Variants in GAPDHS observed in about 807,000 individuals in gnomAD.
GAPDHS encodes glyceraldehyde-3-phosphate dehydrogenase, spermatogenic, also known as glyceraldehyde-3-phosphate dehydrogenase, testis-specific.
Under a neutral mutation model 48.7 loss-of-function variants are expected in GAPDHS, and 42 were observed. That is an observed-to-expected ratio of 0.86 (90% CI 0.67 to 1.12). The LOEUF (loss-of-function observed/expected upper bound fraction) is 1.12, where lower values mean the gene tolerates loss of function less well. Among genes scored for constraint, GAPDHS ranks in the 50% most tolerant of loss-of-function variants. The probability of loss-of-function intolerance (pLI) is 0.00; values close to 1 mark genes in which losing one functional copy is unlikely to be tolerated. For synonymous variants in GAPDHS, 166 were observed against 219.1 expected (o/e 0.76, Z 2.14); for missense variants, 512 against 557.7 (o/e 0.92, Z 0.82).
intron 6 of GAPDHS, 110 bp downstream of exon 6, chr19:35,542,718 G>T: frequency 1.2e-6 from 1 of 840,998 alleles, no homozygotes; most frequent in South Asian, 1.5e-5. Flanking sequence ...TCTCCTTCCC[G>T]AAACTATCTG....
chr19:35,536,516 C>T (rs908115494), intron 1 of GAPDHS, among the ~76,000 whole-genome samples: 3 of 151,686 alleles, frequency 2.0e-5, no homozygotes, highest in Non-Finnish European at 4.4e-5. Context: ...GCGGAGGTTG[C>T]AGTAAGCCAA....
chr19:35,539,194 G>T (rs1242898243), intron 4 of GAPDHS, among the ~76,000 whole-genome samples: 1 of 152,198 alleles, frequency 6.6e-6, no homozygotes, highest in African/African-American at 2.4e-5. Context: ...ACTGCATTTT[G>T]CTTTAACGCA....
rs750502242 is a variant in GAPDHS at position 35,543,412 on chromosome 19, C to A, written c.814C>A (p.Arg272=). The A allele has an allele frequency of 1.2e-6, 2 of 1,611,098 alleles. No homozygotes were observed. Among genetic ancestry groups the A allele is most frequent in the African/African-American group, 1.3e-5 (1 of 74,676 alleles). ...ATCAAGGAAGGCCTGGCGAGATGGG[C>A]GGGGTGCCCACCAGAACATCATCCC... The part of the protein sequence containing the change: ...GPSRKAWRDG[R]GAHQNIIPAS... The change falls in exon 8 of 11, where the codon CGG becomes AGG. Residue 272 remains arginine, a synonymous_variant. Coordinates refer to ENST00000222286, the MANE Select transcript of GAPDHS (RefSeq NM_014364.5).
rs1420868606 is a variant in GAPDHS at position 35,535,792 on chromosome 19, CAG to C, written c.68-1018_68-1017del. On this transcript the variant is annotated intron_variant, in intron 1 of 10. Transcript: ENST00000222286. ...AGGTGATTTTTTTTTTTTTTTGAGA[CAG>C]AGTCTCACTCTGTCGCCCAGGCTGG... Among the ~76,000 whole-genome samples, 15 of 139,180 alleles carry C rather than the reference CAG, an allele frequency of 1.1e-4. No homozygotes were observed. In the East Asian group the frequency reaches 3.4e-3, roughly 31 times the overall value. The allele number at this position is 139,180 out of a possible 152,430, so 91.3% of individuals were successfully genotyped here. A position where few individuals can be genotyped will look rare whatever the true frequency, so the allele number is the denominator to read the frequency against.
chr19:35,545,134 C>A lies in GAPDHS; in HGVS notation c.1191C>A (p.Val397=). The A allele has an allele frequency of 6.2e-7, 1 of 1,614,014 alleles. No individual in the cohort carries two copies. Among genetic ancestry groups the A allele is most frequent in the Non-Finnish European group, 8.5e-7 (1 of 1,179,888 alleles). The change falls in exon 11 of 11, where the codon GTC becomes GTA. Residue 397 remains valine (V), a synonymous_variant. Coordinates refer to ENST00000222286, the MANE Select transcript of GAPDHS (RefSeq NM_014364.5). ...AATATGGCTACAGTCACCGGGTGGT[C>A]GACCTCCTCCGCTACATGTTCAGCC... is the stretch of plus-strand genomic sequence containing the variant. ...DNEYGYSHRV[V]DLLRYMFSRD... is the part of the protein sequence containing the mutation.
At chr19:35,541,754 T>A (rs2071504434) in intron 4 of GAPDHS, 1 of 152,068 alleles carries the variant, frequency 6.6e-6, no homozygotes, top group Non-Finnish European at 1.5e-5. Context: ...CCCTTACCTT[T>A]CCAATGTAAA....
intron 2 of GAPDHS, 112 bp downstream of exon 2, chr19:35,537,102 G>T: frequency 1.1e-6 from 1 of 896,008 alleles, no homozygotes; most frequent in Non-Finnish European, 1.7e-6. Context: ...TCGTTCCGAC[G>T]ACCCTGGAGA....
At chr19:35,539,965 C>T (rs1219858742) in intron 4 of GAPDHS, among the ~76,000 whole-genome samples, 3 of 152,212 alleles carry the variant, frequency 2.0e-5, no homozygotes, top group Non-Finnish European at 1.5e-5. Flanking sequence ...ATGCAGTTCC[C>T]CGCCCCTCCA....
At position 35,538,595 on chromosome 19, in the gene GAPDHS, G is replaced by T; in HGVS notation, c.361G>T (p.Asp121Tyr). The T allele has an allele frequency of 6.2e-7, 1 of 1,608,778 alleles. No homozygotes were observed. Among genetic ancestry groups the T allele is most frequent in the South Asian group, 1.1e-5 (1 of 90,922 alleles). The change falls in exon 4 of 11, where the codon GAC becomes TAC. Residue 121 changes from aspartate to tyrosine, a missense_variant. By Grantham distance (160) the Asp-to-Tyr change is radical (BLOSUM62 -3). Transcript: ENST00000222286. ...PEYMVYMFKYDSTHGRYKGSV... is the reference protein window; with the variant it reads ...PEYMVYMFKYYSTHGRYKGSV... Reference sequence around the variant, plus strand: ...CCCACAGGTGTACATGTTTAAGTATGACTCCACCCACGGCCGATACAAGGG... The same window carrying T: ...CCCACAGGTGTACATGTTTAAGTATTACTCCACCCACGGCCGATACAAGGG...
rs2071508294 is a variant in GAPDHS, at chr19:35,542,213, G to A, written c.450-106G>A. The A allele has an allele frequency of 9.4e-6, 7 of 743,512 alleles. No individual in the cohort carries two copies. In the South Asian group the frequency reaches 1.1e-4, roughly 11 times the overall value. The allele number at this position is 743,512 out of a possible 1,614,324, so 46.1% of individuals were successfully genotyped here. A position where few individuals can be genotyped will look rare whatever the true frequency, so the allele number is the denominator to read the frequency against. Reference sequence around the variant, plus strand: ...TGTGGGGTAGGGGACGCAGGTGGTTGCAGGTGGGCCGGTACCTGCTCAGCC... The same window carrying A: ...TGTGGGGTAGGGGACGCAGGTGGTTACAGGTGGGCCGGTACCTGCTCAGCC... On this transcript the variant is annotated intron_variant, in intron 4 of 10. Transcript: ENST00000222286.
At chr19:35,543,076 A>C (rs775819839) in intron 7 of GAPDHS, 50 bp downstream of exon 7, 8 of 1,399,216 alleles carry the variant, frequency 5.7e-6, no homozygotes, top group Non-Finnish European at 8.1e-6. Context: ...GGGAAACCCA[A>C]CTTCTTCCCG....
chr19:35,538,410 A>C lies in GAPDHS; in HGVS notation c.342+7A>C. The stretch of plus-strand genomic sequence containing the variant: ...CATTGACCCGGAATACATGGTCAGT[A>C]GCTGGCAGAGGGCAGGAACAGCAGG... On this transcript the variant is annotated splice_region_variant and intron_variant, in intron 3 of 10. Transcript: ENST00000222286. 1 of 1,412,060 alleles carries C rather than the reference A, an allele frequency of 7.1e-7. No individual in the cohort carries two copies. Among genetic ancestry groups the C allele is most frequent in the Non-Finnish European group, 1.0e-6 (1 of 999,740 alleles). 87.5% of individuals were successfully genotyped at this position (1,412,060 alleles called of 1,614,324 possible).
chr19:35,536,975 CTG>C lies in GAPDHS; in HGVS notation c.233_234del (p.Val78GlyfsTer22). ...ATGGTGTCTGTGGCCCGGGAGCTGA[CTG>C]TGGGCATCAATGGGTGAGTCTACTC... On this transcript the variant is annotated frameshift_variant, in exon 2 of 11. Transcript: ENST00000222286. LOFTEE classifies it high-confidence loss of function. 1 of 1,613,638 alleles carries C rather than the reference CTG, an allele frequency of 6.2e-7. No individual in the cohort carries two copies. Among genetic ancestry groups the C allele is most frequent in the Non-Finnish European group, 8.5e-7 (1 of 1,179,730 alleles).
chr19:35,539,598 C>T (rs978670038), intron 4 of GAPDHS, among the ~76,000 whole-genome samples: 1 of 151,992 alleles, frequency 6.6e-6, no homozygotes, highest in Non-Finnish European at 1.5e-5. Context: ...CACTAGTGAA[C>T]CCTGTCTGGG....
chr19:35,543,741 C>G lies in GAPDHS; in HGVS notation c.970C>G (p.Pro324Ala), dbSNP rs745411918. Residue 324 changes from proline (P) to alanine (A), a missense_variant, in exon 9 of 11, where the codon CCT (proline) becomes GCT (alanine). By Grantham distance (27) the Pro-to-Ala change is conservative. Coordinates refer to ENST00000222286, the MANE Select transcript of GAPDHS (RefSeq NM_014364.5). ...GGACCTGACCTGCCGCCTCGCCCAGCCTGCCCCCTACTCAGCCATCAAGGA... is the reference window on the plus strand; with the variant it reads ...GGACCTGACCTGCCGCCTCGCCCAGGCTGCCCCCTACTCAGCCATCAAGGA... ...VVDLTCRLAQ[P>A]APYSAIKEAV... is the part of the protein sequence containing the mutation. 6.2e-7 allele frequency: 1 copy of G among 1,614,048 alleles called. No homozygotes were observed. Among genetic ancestry groups the G allele is most frequent in the South Asian group, 1.1e-5 (1 of 91,090 alleles).
intron 6 of GAPDHS, 44 bp downstream of exon 6, chr19:35,542,652 A>T: frequency 7.8e-7 from 1 of 1,287,510 alleles, no homozygotes; most frequent in Non-Finnish European, 1.1e-6. Context: ...AAGGGAGGGT[A>T]GACTCGTCCT....
intron 4 of GAPDHS, among the ~76,000 whole-genome samples, chr19:35,539,202 G>A (rs762608706): frequency 1.6e-4 from 25 of 152,154 alleles, no homozygotes; most frequent in African/African-American, 5.3e-4. Context: ...TTGCTTTAAC[G>A]CACATTTGCA....
In GAPDHS at chr19:35,544,967, G is replaced by C; in HGVS notation, c.1115G>C (p.Gly372Ala). The C allele has an allele frequency of 6.2e-7, 1 of 1,613,862 alleles. No homozygotes were observed. Among genetic ancestry groups the C allele is most frequent in the South Asian group, 1.1e-5 (1 of 91,078 alleles). Reference protein sequence around the residue: ...THSSIFDAKAGIALNDNFVKL... With the variant: ...THSSIFDAKAAIALNDNFVKL... The stretch of plus-strand genomic sequence containing the variant: ...TCGTCCATCTTCGATGCTAAGGCCG[G>C]CATTGCGCTCAATGACAATTTCGTG... The change falls in exon 10 of 11, where the codon GGC becomes GCC. Residue 372 changes from glycine to alanine, a missense_variant. Coordinates refer to ENST00000222286, the MANE Select transcript of GAPDHS (RefSeq NM_014364.5).
chr19:35,542,465 CCT>C (rs771280118), intron 5 of GAPDHS, 23 bp from the exon 6 acceptor site: 7 of 1,588,244 alleles, frequency 4.4e-6, no homozygotes, highest in South Asian at 3.3e-5. Flanking sequence ...GCCAGAAGCC[CCT>C]GACACCTGCG....
Sources: allele counts gnomAD v4.1 joint callset (sites outside exome capture counted in the v4.1 genomes callset), GRCh38; gene constraint gnomAD v4.1.1; transcripts MANE v1.5; gene names NCBI Gene and HGNC (gene_info 2026-07-23, HGNC 2026-07-21).